Variants in FDXR observed in about 807,000 individuals in gnomAD.
The protein encoded by FDXR is ferredoxin reductase.
In FDXR, 38 loss-of-function variants were observed where a neutral mutation model predicts 58.3. That is an observed-to-expected ratio of 0.65 (90% CI 0.50 to 0.85). The LOEUF is 0.85. Among genes scored for constraint, FDXR ranks in the 40% least tolerant of loss-of-function variants. FDXR has a pLI of 0.00. For synonymous variants in FDXR, 275 were observed against 273.8 expected, an observed-to-expected ratio of 1.00 and a Z score of -0.04; for missense variants, 624 against 671.0, an observed-to-expected ratio of 0.93 and a Z score of 0.77.
chr17:74,869,832 A>AT (rs2038312929), intron 2 of FDXR: 1 of 394,332 alleles, frequency 2.5e-6, no homozygotes, highest in African/African-American at 2.0e-5. Context: ...CCAGTAAATG[A>AT]TTACTGAATG....
rs569187331 is a variant in FDXR, at chr17:74,870,481, C to T, written c.177+1555G>A. On this transcript the variant is annotated intron_variant, in intron 2 of 11. Coordinates refer to ENST00000293195, the MANE Select transcript of FDXR (RefSeq NM_024417.5). ...GAAGTGAGCTGAGACTGTGCCACTG[C>T]ACTCCAGCCTGGGCGACAGAGCCAG... is the stretch of plus-strand genomic sequence containing the variant. 6.3e-5 allele frequency among the ~76,000 whole-genome samples: 9 copies of T among 142,526 alleles called. No individual in the cohort carries two copies. In the East Asian group the frequency reaches 1.9e-3, roughly 30 times the overall value. The allele number at this position is 142,526 out of a possible 152,430, so 93.5% of individuals were successfully genotyped here. A position where few individuals can be genotyped will look rare whatever the true frequency, so the allele number is the denominator to read the frequency against.
At chr17:74,869,295 A>G (rs1469001975) in intron 2 of FDXR, among the ~76,000 whole-genome samples, 1 of 152,168 alleles carries the variant, frequency 6.6e-6, no homozygotes, top group Admixed American at 6.5e-5. Flanking sequence ...ATTAGGTCCA[A>G]GTTAGGCCCA....
rs2038162163 is a variant in FDXR at position 74,865,891 on chromosome 17, T to C, written c.508-71A>G. 51 of 1,225,342 alleles carry C rather than the reference T, an allele frequency of 4.2e-5. 1 individual carries two copies. The South Asian group carries it at 6.1e-4, about 15-fold the overall frequency. 75.9% of individuals were successfully genotyped at this position (1,225,342 alleles called of 1,614,324 possible). A position where few individuals can be genotyped will look rare whatever the true frequency, so the allele number is the denominator to read the frequency against. ...CAGTTCATCTCAGTCTGCAGGTGCCTCATGCCTGGTCCCCACTGTGCCCTG... is the reference window on the plus strand; with the variant it reads ...CAGTTCATCTCAGTCTGCAGGTGCCCCATGCCTGGTCCCCACTGTGCCCTG... On this transcript the variant is annotated intron_variant, in intron 5 of 11. Coordinates refer to ENST00000293195, the MANE Select transcript of FDXR (RefSeq NM_024417.5).
intron 2 of FDXR, chr17:74,867,077 C>G: frequency 8.4e-7 from 1 of 1,186,090 alleles, no homozygotes; most frequent in South Asian, 1.6e-5. Context: ...GAGGCTGAGG[C>G]AGGTGGATAA....
chr17:74,866,341 C>G, intron 4 of FDXR, 97 bp from the exon 5 acceptor site: 1 of 1,572,318 alleles, frequency 6.4e-7, no homozygotes. Flanking sequence ...CTTCCAGCTT[C>G]TCAGCAGCTT....
intron 2 of FDXR, among the ~76,000 whole-genome samples, chr17:74,867,576 G>A (rs2038235549): frequency 1.3e-5 from 2 of 152,236 alleles, no homozygotes; most frequent in South Asian, 4.1e-4. Flanking sequence ...CATGCTCTGG[G>A]GAAAGGGGAG....
intron 2 of FDXR, among the ~76,000 whole-genome samples, chr17:74,870,554 A>G (rs500887): frequency 0.84 from 116,893 of 139,600 alleles, 49,621 homozygotes; most frequent in African/African-American, 0.95. Context: ...CTGCCTGGAA[A>G]GCTTACTCTC....
In FDXR at chr17:74,863,085, T is replaced by C. The variant is rs1356044246; in HGVS notation, c.1336A>G (p.Ser446Gly). The C allele has an allele frequency of 6.2e-7, 1 of 1,611,742 alleles. No homozygotes were observed. The highest frequency in any genetic ancestry group is 8.5e-7 in the Non-Finnish European group (1 of 1,179,024). ...GCATCGGGGCCCAGACCTCGGCTGC[T>C]GAGCAGGGCCTGGATGGCTGCGTAG... ...PGYAAIQALL[S>G]SRGVRPVSFS... Residue 446 changes from serine to glycine, a missense_variant, in exon 11 of 12, where the codon AGC (serine) becomes GGC (glycine). Ser to Gly is a moderately conservative substitution (Grantham distance 56, BLOSUM62 0). Coordinates refer to ENST00000293195, the MANE Select transcript of FDXR (RefSeq NM_024417.5).
rs137997943 is a variant in FDXR at position 74,872,054 on chromosome 17, C to T, written c.159G>A (p.Thr53=). Residue 53 remains threonine, a synonymous_variant, in exon 2 of 12, where the codon ACG becomes ACA. Coordinates refer to ENST00000293195, the MANE Select transcript of FDXR (RefSeq NM_024417.5). ...GGCTTACCTTTAGCAGGTGTTGGGCCGTGTAGAAGCCAGCTGGGCCACTGC... is the reference window on the plus strand; with the variant it reads ...GGCTTACCTTTAGCAGGTGTTGGGCTGTGTAGAAGCCAGCTGGGCCACTGC... The part of the protein sequence containing the change: ...VVGSGPAGFY[T]AQHLLKHPQA... 8.1e-6 allele frequency: 13 copies of T among 1,599,750 alleles called. No individual in the cohort carries two copies. In the East Asian group the frequency reaches 8.9e-5, roughly 11 times the overall value.
chr17:74,872,449 C>A (rs2038405372), intron 1 of FDXR: 1 of 665,686 alleles, frequency 1.5e-6, no homozygotes, highest in East Asian at 2.7e-5. Flanking sequence ...CCATATCATC[C>A]CAATCTCGCC....
At chr17:74,864,981 G>C in intron 6 of FDXR, 50 bp from the exon 7 acceptor site, 2 of 1,613,478 alleles carry the variant, frequency 1.2e-6, no homozygotes, top group Non-Finnish European at 1.7e-6. Context: ...CCGAGGAAAG[G>C]GGACTCTCCA....
At chr17:74,868,686 G>A in intron 2 of FDXR, 1 of 1,533,166 alleles carries the variant, frequency 6.5e-7, no homozygotes, top group Non-Finnish European at 8.7e-7. Context: ...CATCTTCCAG[G>A]TTTCCTCCTT....
At chr17:74,872,666 T>G in intron 1 of FDXR, 200 bp downstream of exon 1, 1 of 1,209,412 alleles carries the variant, frequency 8.3e-7, no homozygotes, top group South Asian at 1.5e-5. Context: ...TTTGTTGACC[T>G]CCGTCTCTAA....
intron 11 of FDXR, 62 bp from the exon 12 acceptor site, chr17:74,863,009 C>CA: frequency 6.2e-7 from 1 of 1,602,962 alleles, no homozygotes; most frequent in Non-Finnish European, 8.5e-7. Flanking sequence ...AGCCCCCTCC[C>CA]AAAGAGTGAG....
chr17:74,865,631 G>C, intron 6 of FDXR, 88 bp downstream of exon 6: 2 of 859,838 alleles, frequency 2.3e-6, no homozygotes, highest in Non-Finnish European at 1.8e-6. Flanking sequence ...CCAGCTTGGA[G>C]AGGTAAGGCC....
intron 2 of FDXR, chr17:74,867,132 C>A: frequency 4.6e-6 from 3 of 649,210 alleles, no homozygotes; most frequent in Admixed American, 3.3e-5. Context: ...CATGGTGAAA[C>A]CCTGTCTCTA....
At chr17:74,864,648 C>T in intron 7 of FDXR, 84 bp from the exon 8 acceptor site, 1 of 1,441,598 alleles carries the variant, frequency 6.9e-7, no homozygotes, top group Admixed American at 1.9e-5. Context: ...CCAGCCCAGG[C>T]AGGAGAGACC....
chr17:74,866,305 C>G, intron 4 of FDXR, 61 bp from the exon 5 acceptor site: 1 of 1,566,986 alleles, frequency 6.4e-7, no homozygotes, highest in Non-Finnish European at 8.7e-7. Context: ...ATAGGCCGGG[C>G]AGCCCCCCAG....
chr17:74,863,238 A>G lies in FDXR; in HGVS notation c.1183T>C (p.Cys395Arg). The change falls in exon 11 of 12, where the codon TGC becomes CGC. Residue 395 changes from cysteine to arginine, a missense_variant. Transcript: ENST00000293195. ...GRVMDVPGLY[C>R]SGWVKRGPTG... Reference sequence around the variant, plus strand: ...GGTCCTCTCTTCACCCAGCCGCTGCAGTAGAGGCCTGAGAGGGGGTAACAA... The same window carrying G: ...GGTCCTCTCTTCACCCAGCCGCTGCGGTAGAGGCCTGAGAGGGGGTAACAA... 1 of 1,612,256 alleles carries G rather than the reference A, an allele frequency of 6.2e-7. No homozygotes were observed. The highest frequency in any genetic ancestry group is 8.5e-7 in the Non-Finnish European group (1 of 1,179,346).
Sources: allele counts gnomAD v4.1 joint callset (sites outside exome capture counted in the v4.1 genomes callset), GRCh38; gene constraint gnomAD v4.1.1; transcripts MANE v1.5; gene names NCBI Gene and HGNC (gene_info 2026-07-23, HGNC 2026-07-21).